Variants in RALYL observed in about 807,000 individuals in gnomAD.
The protein encoded by RALYL is RNA-binding Raly-like protein.
RALYL carries 29 observed loss-of-function variants against 35.1 expected under a neutral mutation model. The observed-to-expected ratio is 0.83, with a 90% CI of 0.61 to 1.13. RALYL has a LOEUF of 1.13. Ranked by LOEUF, RALYL falls within the 50% of genes most tolerant of loss-of-function variation. The probability of loss-of-function intolerance (pLI) is 0.00; values close to 1 mark genes in which losing one functional copy is unlikely to be tolerated. For missense variants in RALYL, 359 were observed against 360.4 expected (o/e 1.00, Z 0.03); for synonymous variants, 120 against 127.6 (o/e 0.94, Z 0.40).
intron 1 of RALYL, among the ~76,000 whole-genome samples, chr8:84,490,266 T>C (rs933533125): frequency 1.3e-5 from 2 of 151,964 alleles, no homozygotes; most frequent in South Asian, 4.1e-4. Flanking sequence ...TTATACCATC[T>C]CTTCTGCTTA....
chr8:84,850,887 T>A (rs1012247599), intron 5 of RALYL, among the ~76,000 whole-genome samples: 6 of 152,200 alleles, frequency 3.9e-5, no homozygotes, highest in African/African-American at 1.4e-4. Flanking sequence ...TTCCCCTCCA[T>A]AGCGTTATAC....
In RALYL at chr8:84,486,055, T is replaced by C. The variant is rs1041305997; in HGVS notation, c.-23-43244T>C. Among the ~76,000 whole-genome samples the C allele has an allele frequency of 6.8e-5, 10 of 147,310 alleles. No homozygotes were observed. In the East Asian group the frequency reaches 1.8e-3, roughly 26 times the overall value. ...TGAGGAAGAGTTAGAATTTAGACAG[T>C]AGCCTACAAGGCTCCACATGGTATG... On this transcript the variant is annotated intron_variant, in intron 1 of 8. Transcript: ENST00000521268.
intron 2 of RALYL, among the ~76,000 whole-genome samples, chr8:84,727,080 A>G (rs796175882): frequency 2.0e-5 from 3 of 152,240 alleles, no homozygotes; most frequent in African/African-American, 7.2e-5. Context: ...AGAGGGGTTA[A>G]GTTAAGCACC....
intron 1 of RALYL, among the ~76,000 whole-genome samples, chr8:84,485,027 C>T (rs1367236494): frequency 2.0e-5 from 3 of 152,098 alleles, no homozygotes; most frequent in African/African-American, 7.2e-5. Context: ...CCCTACGGTA[C>T]TTATACTTTA....
At chr8:84,629,379 C>T (rs1823446787) in intron 2 of RALYL, among the ~76,000 whole-genome samples, 2 of 152,016 alleles carry the variant, frequency 1.3e-5, no homozygotes, top group Non-Finnish European at 2.9e-5. Flanking sequence ...TTCCAAAATG[C>T]ATATATTCTG....
intron 1 of RALYL, among the ~76,000 whole-genome samples, chr8:84,292,510 A>T (rs1343761098): frequency 6.6e-6 from 1 of 152,138 alleles, no homozygotes; most frequent in Non-Finnish European, 1.5e-5. Flanking sequence ...GCATTCCCAG[A>T]TGGTTAAGGT....
chr8:84,750,486 G>A (rs186519936), intron 2 of RALYL, among the ~76,000 whole-genome samples: 16 of 152,194 alleles, frequency 1.1e-4, no homozygotes, highest in Non-Finnish European at 1.8e-4. Context: ...AGGGAGTGTT[G>A]TCCACCTGCT....
At chr8:84,594,031 A>T (rs1321586369) in intron 2 of RALYL, among the ~76,000 whole-genome samples, 8 of 152,006 alleles carry the variant, frequency 5.3e-5, no homozygotes, top group Admixed American at 5.3e-4. Context: ...CTTTTTCCAC[A>T]TCAGCTTCCA....
At chr8:84,700,522 C>T (rs1481987237) in intron 2 of RALYL, among the ~76,000 whole-genome samples, 4 of 152,006 alleles carry the variant, frequency 2.6e-5, no homozygotes, top group South Asian at 2.1e-4. Flanking sequence ...TAGCAACAGT[C>T]AAGAATAAAG....
At chr8:84,709,476 C>G (rs959871245) in intron 2 of RALYL, among the ~76,000 whole-genome samples, 4 of 151,634 alleles carry the variant, frequency 2.6e-5, no homozygotes, top group Non-Finnish European at 4.4e-5. Context: ...TTTTAAAGTT[C>G]TAAAATATGT....
intron 2 of RALYL, among the ~76,000 whole-genome samples, chr8:84,659,949 A>G (rs1830602922): frequency 6.6e-6 from 1 of 152,180 alleles, no homozygotes. Flanking sequence ...TGTCTATATG[A>G]ATAGGACAAG....
intron 1 of RALYL, among the ~76,000 whole-genome samples, chr8:84,367,318 A>ATTTGTTTTTGTTTTTTTTTTTT (rs756622990): frequency 3.6e-5 from 1 of 27,400 alleles, no homozygotes. Flanking sequence ...TAATTTTTGT[A>ATTTGTTTTTGTTTTTTTTTTTT]TTTTTTTTTT....
intron 1 of RALYL, among the ~76,000 whole-genome samples, chr8:84,229,447 A>G (rs1156251110): frequency 6.6e-6 from 1 of 152,196 alleles, no homozygotes; most frequent in Admixed American, 6.6e-5. Flanking sequence ...AATAACCAAT[A>G]ACCAATTGCT....
chr8:84,732,381 G>A (rs1403463365), intron 2 of RALYL, among the ~76,000 whole-genome samples: 1 of 151,972 alleles, frequency 6.6e-6, no homozygotes, highest in African/African-American at 2.4e-5. Context: ...AGCTCCACAA[G>A]CTTCTCTTTT....
chr8:84,302,132 A>G (rs1360007655), intron 1 of RALYL, among the ~76,000 whole-genome samples: 1 of 152,216 alleles, frequency 6.6e-6, no homozygotes, highest in African/African-American at 2.4e-5. Flanking sequence ...ACTGAGACAT[A>G]TAAGGGATGT....
chr8:84,309,731 A>T (rs148759717), intron 1 of RALYL, among the ~76,000 whole-genome samples: 2,763 of 152,338 alleles, frequency 0.018, 36 homozygotes, highest in South Asian at 0.03. Context: ...CAAAAAAATA[A>T]AAAGCAAAAC....
intron 2 of RALYL, among the ~76,000 whole-genome samples, chr8:84,739,315 T>C (rs1847864859): frequency 6.6e-6 from 1 of 151,764 alleles, no homozygotes; most frequent in South Asian, 2.1e-4. Flanking sequence ...AAAAAAGCTA[T>C]CACAGATCTT....
At position 84,913,475 on chromosome 8, in the gene RALYL, A is replaced by G. The variant is rs185025149; in HGVS notation, c.859-7419A>G. Among the ~76,000 whole-genome samples the G allele has an allele frequency of 3.9e-5, 6 of 152,194 alleles. No individual in the cohort carries two copies. The East Asian group carries it at 1.2e-3, about 29-fold the overall frequency. On this transcript the variant is annotated intron_variant, in intron 8 of 8. Coordinates refer to ENST00000521268, the MANE Select transcript of RALYL (RefSeq NM_173848.7). ...TTTATTTATCTTGATCTATACCAGGATAATCATATAACTGACGATTTTTCT... is the reference window on the plus strand; with the variant it reads ...TTTATTTATCTTGATCTATACCAGGGTAATCATATAACTGACGATTTTTCT...
At chr8:84,358,222 A>G (rs1852251724) in intron 1 of RALYL, among the ~76,000 whole-genome samples, 1 of 151,998 alleles carries the variant, frequency 6.6e-6, no homozygotes. Flanking sequence ...TTGAAATACC[A>G]AGTCATGGTC....
Sources: gnomAD v4.1 joint callset for allele counts (sites outside exome capture counted in the v4.1 genomes callset) on GRCh38, gnomAD v4.1.1 for gene constraint, MANE v1.5 for transcripts, NCBI Gene and HGNC (gene_info 2026-07-23, HGNC 2026-07-21) for gene names.